MIX23: variants seen among roughly 807,000 people sequenced by gnomAD.
MIX23 encodes the protein protein MIX23.
In MIX23, 13 loss-of-function variants were observed where a neutral mutation model predicts 21.6. That is an observed-to-expected ratio of 0.60 (90% CI 0.39 to 0.96). The LOEUF (loss-of-function observed/expected upper bound fraction) is 0.96. MIX23 is among the 40% of genes least tolerant of loss of function. The pLI, the probability that MIX23 is intolerant of heterozygous loss-of-function variation, is 0.00. For synonymous variants in MIX23, 59 were observed against 58.0 expected (o/e 1.02, Z -0.08); for missense variants, 144 against 171.2 (o/e 0.84, Z 0.89).
chr3:122,367,073 G>A (rs2075402483), intron 3 of MIX23, among the ~76,000 whole-genome samples: 1 of 152,036 alleles, frequency 6.6e-6, no homozygotes, highest in African/African-American at 2.4e-5. Flanking sequence ...AATGGTTCAT[G>A]AAAAAACTGT....
At chr3:122,371,595 G>C (rs541482051) in intron 2 of MIX23, 80 bp downstream of exon 2, 3 of 1,469,382 alleles carry the variant, frequency 2.0e-6, no homozygotes, top group Non-Finnish European at 2.8e-6. Context: ...AGTCACAGTC[G>C]AGTTACAAGA....
intron 3 of MIX23, among the ~76,000 whole-genome samples, chr3:122,366,128 A>G (rs1427342430): frequency 6.6e-6 from 1 of 151,716 alleles, no homozygotes; most frequent in Non-Finnish European, 1.5e-5. Flanking sequence ...CAGTGAGCCA[A>G]GATTGCACCA....
intron 4 of MIX23, among the ~76,000 whole-genome samples, chr3:122,361,064 C>T (rs528493626): frequency 1.3e-5 from 2 of 152,066 alleles, no homozygotes; most frequent in African/African-American, 4.8e-5. Flanking sequence ...AGGCTGGTAT[C>T]GAACTCCTGA....
intron 1 of MIX23, among the ~76,000 whole-genome samples, chr3:122,374,731 G>A (rs1267813716): frequency 2.0e-4 from 31 of 152,156 alleles, no homozygotes. Flanking sequence ...GCGAATAAAA[G>A]AGGTCCTTGC....
At chr3:122,382,009 T>C (rs2075536545) in intron 1 of MIX23, among the ~76,000 whole-genome samples, 1 of 152,234 alleles carries the variant, frequency 6.6e-6, no homozygotes, top group Admixed American at 6.5e-5. Flanking sequence ...ACCTAGTCTG[T>C]GGTATTTTGT....
At chr3:122,363,879 G>C (rs2075377607) in intron 3 of MIX23, among the ~76,000 whole-genome samples, 1 of 152,156 alleles carries the variant, frequency 6.6e-6, no homozygotes, top group South Asian at 2.1e-4. Context: ...TAGAGGACTT[G>C]AAGGGGAAAA....
At chr3:122,373,117 G>T in intron 1 of MIX23, 1 of 347,666 alleles carries the variant, frequency 2.9e-6, no homozygotes. Flanking sequence ...ATCATCCATA[G>T]TTAACCATTA....
intron 1 of MIX23, among the ~76,000 whole-genome samples, chr3:122,381,449 G>A (rs942259282): frequency 5.9e-5 from 9 of 152,208 alleles, no homozygotes; most frequent in Admixed American, 1.3e-4. Flanking sequence ...AGATAGGCTG[G>A]GCGCCATGGC....
intron 1 of MIX23, among the ~76,000 whole-genome samples, chr3:122,374,260 C>A (rs1331624721): frequency 1.3e-5 from 2 of 152,058 alleles, no homozygotes; most frequent in Non-Finnish European, 2.9e-5. Flanking sequence ...CAATATTTGT[C>A]TTTAAATAAT....
chr3:122,365,239 T>C (rs776106467), intron 3 of MIX23: 1 of 152,226 alleles, frequency 6.6e-6, no homozygotes. Context: ...AAATGAAATA[T>C]ACTCACTAAA....
intron 3 of MIX23, among the ~76,000 whole-genome samples, chr3:122,363,356 T>C (rs1310098692): frequency 1.3e-5 from 2 of 148,666 alleles, no homozygotes; most frequent in East Asian, 1.9e-4. Context: ...TACTCCAGTA[T>C]AAAGAAATGC....
At chr3:122,364,115 G>A (rs760316664) in intron 3 of MIX23, among the ~76,000 whole-genome samples, 15 of 152,202 alleles carry the variant, frequency 9.9e-5, no homozygotes, top group African/African-American at 2.7e-4. Flanking sequence ...AACCAGGAGC[G>A]CAGTTCAGGC....
chr3:122,374,119 T>TTTA (rs1241966590), intron 1 of MIX23, among the ~76,000 whole-genome samples: 5 of 136,674 alleles, frequency 3.7e-5, no homozygotes, highest in African/African-American at 1.1e-4. Flanking sequence ...TTTTTTTTTT[T>TTTA]AAAAAAAAAG....
intron 2 of MIX23, 67 bp from the exon 3 acceptor site, chr3:122,368,389 C>A: frequency 7.0e-7 from 1 of 1,426,758 alleles, no homozygotes; most frequent in Non-Finnish European, 9.3e-7. Flanking sequence ...TAGTGTTTTT[C>A]AAAAAAATCC....
intron 1 of MIX23, chr3:122,372,991 A>G (rs1366849749): frequency 4.7e-6 from 2 of 422,578 alleles, no homozygotes; most frequent in Admixed American, 2.5e-5. Context: ...ACCTTTGCCA[A>G]ACTTAAATCC....
At chr3:122,363,599 G>GA (rs1038298707) in intron 3 of MIX23, among the ~76,000 whole-genome samples, 1 of 151,206 alleles carries the variant, frequency 6.6e-6, no homozygotes, top group Non-Finnish European at 1.5e-5. Context: ...TAGCACAGAG[G>GA]AAAAAAAGGA....
At chr3:122,371,499 G>T (rs2075441355) in intron 2 of MIX23, among the ~76,000 whole-genome samples, 176 bp downstream of exon 2, 2 of 152,154 alleles carry the variant, frequency 1.3e-5, no homozygotes, top group African/African-American at 4.8e-5. Context: ...CAAGCGTAAG[G>T]TCACACATTT....
rs77333098 is a variant in MIX23 at position 122,369,132 on chromosome 3, T to C, written c.178-810A>G. Among the ~76,000 whole-genome samples, 95 of 152,362 alleles carry C rather than the reference T, an allele frequency of 6.2e-4. No individual in the cohort carries two copies. The East Asian group carries it at 0.018, about 28-fold the overall frequency. On this transcript the variant is annotated intron_variant, in intron 2 of 4. Transcript: ENST00000291458. ...CCCAAAATCTGCATTTGTTAAACAT[T>C]GTTTCAAGTTCATAGACTCTATTGT...
chr3:122,368,426 C>T, intron 2 of MIX23, 104 bp from the exon 3 acceptor site: 1 of 1,144,568 alleles, frequency 8.7e-7, no homozygotes. Context: ...TCAATACTTT[C>T]TAAAACAATT....
Sources: gnomAD v4.1 joint callset for allele counts (sites outside exome capture counted in the v4.1 genomes callset) on GRCh38, gnomAD v4.1.1 for gene constraint, MANE v1.5 for transcripts, NCBI Gene and HGNC (gene_info 2026-07-23, HGNC 2026-07-21) for gene names.